Variants in GRID2 observed in about 807,000 individuals in gnomAD.
GRID2 encodes the protein glutamate receptor ionotropic, delta-2.
Under a neutral mutation model 114.8 loss-of-function variants are expected in GRID2, and 33 were observed. That is an observed-to-expected ratio of 0.29 (90% CI 0.22 to 0.38). The LOEUF (loss-of-function observed/expected upper bound fraction) is 0.38, where lower values mean the gene tolerates loss of function less well. Among genes scored for constraint, GRID2 ranks in the 10% least tolerant of loss-of-function variants. The pLI is 1.00. For synonymous variants in GRID2, 505 were observed against 449.9 expected, an observed-to-expected ratio of 1.12 and a Z score of -1.55; for missense variants, 1,184 against 1,257.7, an observed-to-expected ratio of 0.94 and a Z score of 0.89.
chr4:92,419,764 A>G (rs1420402136), intron 1 of GRID2, among the ~76,000 whole-genome samples: 1 of 152,048 alleles, frequency 6.6e-6, no homozygotes, highest in Non-Finnish European at 1.5e-5. Context: ...ACTAACACTT[A>G]TTTAGGTGCT....
intron 2 of GRID2, among the ~76,000 whole-genome samples, chr4:92,749,096 C>T (rs564498990): frequency 2.0e-5 from 3 of 151,486 alleles, no homozygotes; most frequent in Non-Finnish European, 4.4e-5. Context: ...CAGGTGCAAG[C>T]GATTCTCCTG....
intron 1 of GRID2, among the ~76,000 whole-genome samples, chr4:92,365,180 C>T (rs1728795514): frequency 6.6e-6 from 1 of 152,032 alleles, no homozygotes; most frequent in East Asian, 1.9e-4. Context: ...ATCTTCACTC[C>T]CATGTTCATT....
chr4:93,346,953 G>C (rs1283130671), intron 8 of GRID2, among the ~76,000 whole-genome samples: 2 of 152,148 alleles, frequency 1.3e-5, no homozygotes, highest in Non-Finnish European at 2.9e-5. Flanking sequence ...TCATTGGTAT[G>C]CTTGCCTTCC....
At chr4:92,768,632 T>C (rs1324305895) in intron 2 of GRID2, among the ~76,000 whole-genome samples, 1 of 152,182 alleles carries the variant, frequency 6.6e-6, no homozygotes. Context: ...GACTTACAGT[T>C]CCACATGGCT....
chr4:92,327,560 G>C (rs1726662868), intron 1 of GRID2, among the ~76,000 whole-genome samples: 1 of 151,754 alleles, frequency 6.6e-6, no homozygotes, highest in Admixed American at 6.6e-5. Context: ...CTAGTGTTAT[G>C]GAAATTTGCC....
At chr4:92,891,340 C>T (rs1012293051) in intron 2 of GRID2, among the ~76,000 whole-genome samples, 1 of 152,068 alleles carries the variant, frequency 6.6e-6, no homozygotes, top group African/African-American at 2.4e-5. Context: ...CTGTTATGTG[C>T]CAGGCATTGT....
At chr4:93,442,183 A>G (rs1338447700) in intron 10 of GRID2, among the ~76,000 whole-genome samples, 1 of 152,040 alleles carries the variant, frequency 6.6e-6, no homozygotes, top group Non-Finnish European at 1.5e-5. Flanking sequence ...ATTTTACTAT[A>G]ATGAAGATAA....
intron 4 of GRID2, among the ~76,000 whole-genome samples, chr4:93,153,010 T>C (rs2149399220): frequency 6.6e-6 from 1 of 152,248 alleles, no homozygotes; most frequent in East Asian, 1.9e-4. Flanking sequence ...TGTAAGTTAC[T>C]TTAATGAAAA....
chr4:92,982,309 T>C (rs1009753056), intron 2 of GRID2, among the ~76,000 whole-genome samples: 1 of 152,072 alleles, frequency 6.6e-6, no homozygotes, highest in Non-Finnish European at 1.5e-5. Flanking sequence ...ACCAGTTGAA[T>C]AGATGTAGTT....
chr4:93,290,456 T>C (rs1418721194), intron 8 of GRID2, among the ~76,000 whole-genome samples: 7 of 152,218 alleles, frequency 4.6e-5, no homozygotes, highest in Admixed American at 3.9e-4. Flanking sequence ...TACCTATGTT[T>C]ATATTTCATC....
chr4:92,848,625 T>C, intron 2 of GRID2, among the ~76,000 whole-genome samples: 1 of 151,896 alleles, frequency 6.6e-6, no homozygotes, highest in East Asian at 1.9e-4. Context: ...ATGCCTATTG[T>C]CAAGTTAATG....
intron 4 of GRID2, among the ~76,000 whole-genome samples, chr4:93,198,925 C>T (rs780000797): frequency 5.9e-5 from 9 of 152,168 alleles, no homozygotes; most frequent in Non-Finnish European, 1.0e-4. Context: ...TCATTTTAAG[C>T]GTTGATCAAA....
chr4:93,098,163 C>T (rs897383710), intron 3 of GRID2, among the ~76,000 whole-genome samples: 7 of 151,954 alleles, frequency 4.6e-5, no homozygotes, highest in Admixed American at 6.6e-5. Context: ...AAATACAAAG[C>T]ACTTGTACTG....
intron 2 of GRID2, among the ~76,000 whole-genome samples, chr4:92,876,061 C>T (rs898008142): frequency 6.6e-6 from 1 of 152,014 alleles, no homozygotes; most frequent in African/African-American, 2.4e-5. Context: ...TCAATTCAAT[C>T]TCCTATATAC....
chr4:93,210,077 T>C (rs1743274178), intron 5 of GRID2, among the ~76,000 whole-genome samples: 1 of 152,178 alleles, frequency 6.6e-6, no homozygotes, highest in South Asian at 2.1e-4. Context: ...TAGTTTCTTT[T>C]GCTGTGCATA....
chr4:93,329,920 A>G (rs907583379), intron 8 of GRID2, among the ~76,000 whole-genome samples: 1 of 152,082 alleles, frequency 6.6e-6, no homozygotes, highest in African/African-American at 2.4e-5. Context: ...GAAAAAAAAA[A>G]AAATTGTACT....
intron 2 of GRID2, among the ~76,000 whole-genome samples, chr4:92,814,061 T>A (rs2149381041): frequency 6.6e-6 from 1 of 152,276 alleles, no homozygotes; most frequent in Admixed American, 6.5e-5. Context: ...CTTGGAGATC[T>A]AACCCAAAGT....
At chr4:93,208,527 A>G (rs539265983) in intron 5 of GRID2, among the ~76,000 whole-genome samples, 5 of 152,094 alleles carry the variant, frequency 3.3e-5, no homozygotes, top group Admixed American at 2.0e-4. Context: ...TATCTTATGG[A>G]ATACTAAACC....
chr4:92,472,407 G>A (rs1253109466), intron 1 of GRID2, among the ~76,000 whole-genome samples: 3 of 152,224 alleles, frequency 2.0e-5, no homozygotes, highest in African/African-American at 4.8e-5. Flanking sequence ...ACTTAAGTCT[G>A]TATAGGAACA....
Sources: allele counts gnomAD v4.1 joint callset (sites outside exome capture counted in the v4.1 genomes callset), GRCh38; gene constraint gnomAD v4.1.1; transcripts MANE v1.5; gene names NCBI Gene and HGNC (gene_info 2026-07-23, HGNC 2026-07-21).